DGCR2: variants seen among roughly 807,000 people sequenced by gnomAD.
DGCR2 encodes DiGeorge syndrome critical region gene 2.
A neutral mutation model predicts 51.6 loss-of-function variants in DGCR2; 24 were observed. The ratio of observed to expected loss-of-function variants is 0.47; its 90% confidence interval spans 0.34 to 0.65. The LOEUF (loss-of-function observed/expected upper bound fraction) is 0.65. Among genes scored for constraint, DGCR2 ranks in the 30% least tolerant of loss-of-function variants. The probability of loss-of-function intolerance (pLI) is 0.01; values close to 1 mark genes in which losing one functional copy is unlikely to be tolerated. For synonymous variants in DGCR2, 340 were observed against 315.4 expected (o/e 1.08, Z -0.82); for missense variants, 765 against 772.1 (o/e 0.99, Z 0.11).
rs909468499 is a variant in DGCR2, at chr22:19,121,926, A to C, written c.79+202T>G. On this transcript the variant is annotated intron_variant, in intron 1 of 9. Transcript: ENST00000263196. ...GCAACATCCTGGACAGCAGAGCTGCACGAAGTCCGAGGCGCCGCGAGCCCA... is the reference window on the plus strand; with the variant it reads ...GCAACATCCTGGACAGCAGAGCTGCCCGAAGTCCGAGGCGCCGCGAGCCCA... 11 of 284,252 alleles carry C rather than the reference A, an allele frequency of 3.9e-5. No individual in the cohort carries two copies. In the South Asian group the frequency reaches 1.3e-3, roughly 34 times the overall value. The allele number at this position is 284,252 out of a possible 1,614,324, so 17.6% of individuals were successfully genotyped here.
intron 1 of DGCR2, among the ~76,000 whole-genome samples, chr22:19,115,924 G>C (rs2083368609): frequency 6.6e-6 from 1 of 152,232 alleles, no homozygotes; most frequent in African/African-American, 2.4e-5. Context: ...CAGGGTTCCT[G>C]AACTCTATCT....
intron 1 of DGCR2, among the ~76,000 whole-genome samples, chr22:19,115,020 G>A (rs1008755439): frequency 6.6e-6 from 1 of 152,184 alleles, no homozygotes; most frequent in African/African-American, 2.4e-5. Context: ...TAGGGGACAA[G>A]GGCACTAAGA....
intron 6 of DGCR2, chr22:19,055,978 G>T: frequency 6.4e-6 from 1 of 156,280 alleles, no homozygotes; most frequent in South Asian, 2.0e-4. Flanking sequence ...GTGTGGTGGT[G>T]GTCATGGAGT....
chr22:19,075,391 G>A (rs535835510), intron 2 of DGCR2, among the ~76,000 whole-genome samples: 2 of 151,964 alleles, frequency 1.3e-5, no homozygotes, highest in East Asian at 3.9e-4. Flanking sequence ...AGCTTGCAGT[G>A]AGCCGAGATC....
chr22:19,084,885 A>G (rs1319469963), intron 2 of DGCR2, among the ~76,000 whole-genome samples: 2 of 151,460 alleles, frequency 1.3e-5, no homozygotes, highest in Non-Finnish European at 3.0e-5. Flanking sequence ...CCTTCTGGGA[A>G]GTGAGGAGCC....
chr22:19,078,085 T>G (rs1009750877), intron 2 of DGCR2, among the ~76,000 whole-genome samples: 1 of 152,208 alleles, frequency 6.6e-6, no homozygotes, highest in Non-Finnish European at 1.5e-5. Flanking sequence ...CGCCTTGGCC[T>G]CCCAAAATGC....
Position 19,107,843 on chromosome 22 carries a change from T to C in DGCR2, c.79+14285A>G, listed in dbSNP as rs202022012. Among the ~76,000 whole-genome samples, 21 of 152,276 alleles carry C rather than the reference T, an allele frequency of 1.4e-4. No individual in the cohort carries two copies. In the East Asian group the frequency reaches 3.5e-3, roughly 25 times the overall value. On this transcript the variant is annotated intron_variant, in intron 1 of 9. Transcript: ENST00000263196. ...ATCTGATGTAAACATCAGCCAGCAG[T>C]TTCATCCAACACTCGCACCACATTT... is the stretch of plus-strand genomic sequence containing the variant.
In DGCR2 at chr22:19,086,573, G is replaced by C. The variant is rs371880445; in HGVS notation, c.202+2795C>G. On this transcript the variant is annotated intron_variant, in intron 2 of 9. Coordinates refer to ENST00000263196, the MANE Select transcript of DGCR2 (RefSeq NM_005137.3). ...TAGGACCGTGAGTCAAGGAGAAGCAGGGTGAGCCTTGTCAGGGCAGTGGCC... is the reference window on the plus strand; with the variant it reads ...TAGGACCGTGAGTCAAGGAGAAGCACGGTGAGCCTTGTCAGGGCAGTGGCC... Among the ~76,000 whole-genome samples, 37 of 152,240 alleles carry C rather than the reference G, an allele frequency of 2.4e-4. 1 individual carries two copies. In the South Asian group the frequency reaches 7.5e-3, roughly 31 times the overall value.
chr22:19,070,436 T>C (rs558529372), intron 2 of DGCR2, among the ~76,000 whole-genome samples: 72 of 152,338 alleles, frequency 4.7e-4, no homozygotes, highest in African/African-American at 1.5e-3. Flanking sequence ...GGGCAAGACC[T>C]GTGGCTCCAC....
In DGCR2 at chr22:19,057,897, C is replaced by G. The variant is rs2082620861; in HGVS notation, c.626-735G>C. Among the ~76,000 whole-genome samples the G allele has an allele frequency of 6.6e-6, 1 of 152,116 alleles. No individual in the cohort carries two copies. Among genetic ancestry groups the G allele is most frequent in the Non-Finnish European group, 1.5e-5 (1 of 67,994 alleles). ...TGGCCATGCCCAGGGCATGGCACAG[C>G]CAGCCCTAGGCCCCACTCTCTCCCC... On this transcript the variant is annotated intron_variant, in intron 5 of 9. Coordinates refer to ENST00000263196, the MANE Select transcript of DGCR2 (RefSeq NM_005137.3). The surrounding 1 kb of genome is among the most constrained non-coding windows in gnomAD (Gnocchi z 5.1).
At chr22:19,109,567 C>CG (rs1259291820) in intron 1 of DGCR2, among the ~76,000 whole-genome samples, 1 of 152,104 alleles carries the variant, frequency 6.6e-6, no homozygotes, top group Non-Finnish European at 1.5e-5. Context: ...GTATCTAAAG[C>CG]AGTCAAACTC....
rs2082400683 is a variant in DGCR2 at position 19,038,932 on chromosome 22, G to A, written c.1586C>T (p.Thr529Ile). 1 of 1,612,594 alleles carries A rather than the reference G, an allele frequency of 6.2e-7. No homozygotes were observed. The highest frequency in any genetic ancestry group is 1.1e-5 in the South Asian group (1 of 91,030). Residue 529 changes from threonine to isoleucine, a missense_variant, in exon 10 of 10, where the codon ACC (threonine) becomes ATC (isoleucine). Coordinates refer to ENST00000263196, the MANE Select transcript of DGCR2 (RefSeq NM_005137.3). The part of the protein sequence containing the change: ...VPPDPAQSGS[T>I]PAAEALPGGG... ...CCCTGGCAGTGCCTCTGCAGCTGGG[G>A]TGCTCCCGCTCTGGGCAGGGTCAGG...
chr22:19,077,911 C>T (rs912825883), intron 2 of DGCR2, among the ~76,000 whole-genome samples: 18 of 151,598 alleles, frequency 1.2e-4, no homozygotes, highest in Non-Finnish European at 2.2e-4. Context: ...TTACTGCAAT[C>T]TTCACGTTCT....
intron 9 of DGCR2, among the ~76,000 whole-genome samples, chr22:19,040,034 G>A (rs888008769): frequency 1.3e-5 from 2 of 152,104 alleles, no homozygotes; most frequent in Admixed American, 1.3e-4. Flanking sequence ...ATTACCATAG[G>A]CTGTCTCTGA....
At chr22:19,087,678 C>CTTTTTTTTTTT (rs35513614) in intron 2 of DGCR2, among the ~76,000 whole-genome samples, 1 of 120,294 alleles carries the variant, frequency 8.3e-6, no homozygotes. Flanking sequence ...CTGCACCTGG[C>CTTTTTTTTTTT]TTTTTTTTTT....
intron 7 of DGCR2, chr22:19,047,140 G>A (rs2082498870): frequency 6.6e-6 from 1 of 152,578 alleles, no homozygotes; most frequent in South Asian, 2.1e-4. Flanking sequence ...GCAGAATGGG[G>A]TCCAAGCATC....
At chr22:19,092,287 G>C (rs2854657) in intron 1 of DGCR2, among the ~76,000 whole-genome samples, 62,503 of 151,670 alleles carry the variant, frequency 0.41, 13,321 homozygotes, top group African/African-American at 0.53. Flanking sequence ...GAGGTTACAG[G>C]AAGCCAAGAT....
intron 2 of DGCR2, among the ~76,000 whole-genome samples, chr22:19,084,020 T>C (rs2082975891): frequency 1.3e-5 from 2 of 152,122 alleles, no homozygotes; most frequent in Admixed American, 1.3e-4. Flanking sequence ...GTTCACTCAG[T>C]GCTCAATGTT....
At chr22:19,089,282 C>A in intron 2 of DGCR2, 86 bp downstream of exon 2, 2 of 1,410,852 alleles carry the variant, frequency 1.4e-6, no homozygotes, top group East Asian at 2.6e-5. Context: ...AGACAGCACA[C>A]ACCTCCACCC....
Sources: allele counts gnomAD v4.1 joint callset (sites outside exome capture counted in the v4.1 genomes callset), GRCh38; gene constraint gnomAD v4.1.1; non-coding constraint Gnocchi (gnomAD v3.1); transcripts MANE v1.5; gene names NCBI Gene and HGNC (gene_info 2026-07-23, HGNC 2026-07-21).